ARHGAP10: variants seen among roughly 807,000 people sequenced by gnomAD.
ARHGAP10 encodes the protein Rho GTPase activating protein 10.
Under a neutral mutation model 108.6 loss-of-function variants are expected in ARHGAP10, and 87 were observed. The observed-to-expected ratio is 0.80, with a 90% CI of 0.67 to 0.96. The LOEUF (loss-of-function observed/expected upper bound fraction) is 0.96, where lower values mean the gene tolerates loss of function less well. Ranked by LOEUF, ARHGAP10 falls within the 40% of genes least tolerant of loss-of-function variation. ARHGAP10 has a pLI of 0.00. For missense variants in ARHGAP10, 939 were observed against 954.5 expected, an observed-to-expected ratio of 0.98 and a Z score of 0.21; for synonymous variants, 347 against 341.1, an observed-to-expected ratio of 1.02 and a Z score of -0.19.
intron 4 of ARHGAP10, among the ~76,000 whole-genome samples, chr4:147,848,296 G>A (rs1174899802): frequency 6.6e-6 from 1 of 152,190 alleles, no homozygotes; most frequent in African/African-American, 2.4e-5. Flanking sequence ...TTTTAATGAA[G>A]GGCTACGAAT....
intron 1 of ARHGAP10, among the ~76,000 whole-genome samples, chr4:147,768,770 G>A (rs190035771): frequency 4.1e-4 from 59 of 142,300 alleles, no homozygotes; most frequent in Non-Finnish European, 6.5e-4. Flanking sequence ...AGGGAATCTT[G>A]CTCTGTCACC....
At chr4:147,897,074 A>C (rs1736022421) in intron 10 of ARHGAP10, among the ~76,000 whole-genome samples, 1 of 152,062 alleles carries the variant, frequency 6.6e-6, no homozygotes, top group African/African-American at 2.4e-5. Context: ...CTCTAACAGT[A>C]ATATAGCTAC....
intron 16 of ARHGAP10, among the ~76,000 whole-genome samples, chr4:147,957,195 T>G (rs530280548): frequency 1.7e-4 from 26 of 152,310 alleles, no homozygotes; most frequent in Admixed American, 5.2e-4. Context: ...TGCACCTAAG[T>G]GCCGTTGTGG....
intron 20 of ARHGAP10, among the ~76,000 whole-genome samples, chr4:148,047,287 A>G (rs1728933665): frequency 6.6e-6 from 1 of 152,206 alleles, no homozygotes; most frequent in Non-Finnish European, 1.5e-5. Flanking sequence ...ATCTGATCGA[A>G]GTTCAATTCC....
intron 1 of ARHGAP10, among the ~76,000 whole-genome samples, chr4:147,766,824 A>C (rs62330672): frequency 8.0e-5 from 1 of 12,546 alleles, no homozygotes; most frequent in Non-Finnish European, 1.6e-3. Context: ...ATATATATAT[A>C]TATATATATA....
chr4:148,067,457 A>G (rs1034469971), intron 22 of ARHGAP10, among the ~76,000 whole-genome samples: 1 of 152,182 alleles, frequency 6.6e-6, no homozygotes, highest in Non-Finnish European at 1.5e-5. Flanking sequence ...TCATCTGACC[A>G]CGGCTTCTGT....
chr4:148,069,839 T>C (rs1730078947), intron 22 of ARHGAP10, among the ~76,000 whole-genome samples: 1 of 152,162 alleles, frequency 6.6e-6, no homozygotes. Flanking sequence ...GTTACAACCC[T>C]GAGGGCCTGT....
At chr4:147,752,252 G>T (rs912629991) in intron 1 of ARHGAP10, among the ~76,000 whole-genome samples, 3 of 152,098 alleles carry the variant, frequency 2.0e-5, no homozygotes, top group Non-Finnish European at 4.4e-5. Flanking sequence ...CTGATTTGGG[G>T]TGTTATCTTG....
intron 5 of ARHGAP10, among the ~76,000 whole-genome samples, chr4:147,860,219 G>T (rs1356828065): frequency 1.3e-5 from 2 of 152,208 alleles, no homozygotes; most frequent in Non-Finnish European, 2.9e-5. Flanking sequence ...GAGGCGGGTG[G>T]ATCACGAGAT....
intron 1 of ARHGAP10, among the ~76,000 whole-genome samples, chr4:147,779,304 A>C (rs1302348118): frequency 6.6e-6 from 1 of 152,176 alleles, no homozygotes; most frequent in Non-Finnish European, 1.5e-5. Context: ...GCAGGTGTGC[A>C]CTGCGTTGTG....
chr4:148,063,289 G>A lies in ARHGAP10; in HGVS notation c.2169G>A (p.Lys723=), dbSNP rs1354946666. The part of the protein sequence containing the change: ...PFSPPATVAD[K]PPESIRSRKA... ...CTCCTCCTGCTACTGTAGCGGACAAGCCACCTGAAAGGTACGTGGTTTGGA... is the reference window on the plus strand; with the variant it reads ...CTCCTCCTGCTACTGTAGCGGACAAACCACCTGAAAGGTACGTGGTTTGGA... Residue 723 remains lysine, a synonymous_variant, in exon 21 of 23, where the codon AAG becomes AAA. Coordinates refer to ENST00000336498, the MANE Select transcript of ARHGAP10 (RefSeq NM_024605.4). 6.2e-7 allele frequency: 1 copy of A among 1,614,146 alleles called. No homozygotes were observed. The highest frequency in any genetic ancestry group is 1.3e-5 in the African/African-American group (1 of 75,024).
chr4:147,742,205 C>T (rs928290412), intron 1 of ARHGAP10, among the ~76,000 whole-genome samples: 16 of 151,856 alleles, frequency 1.1e-4, no homozygotes, highest in African/African-American at 2.9e-4. Flanking sequence ...TTGGCCTCAC[C>T]GTTTATTAGC....
chr4:147,746,532 C>T (rs188440499), intron 1 of ARHGAP10, among the ~76,000 whole-genome samples: 1 of 151,564 alleles, frequency 6.6e-6, no homozygotes, highest in East Asian at 2.0e-4. Context: ...TCCTGAGTAG[C>T]TCGCTTGCCA....
intron 7 of ARHGAP10, among the ~76,000 whole-genome samples, chr4:147,871,439 A>G (rs1001123451): frequency 1.3e-5 from 2 of 152,210 alleles, no homozygotes. Flanking sequence ...TATAATCAGA[A>G]AAAAGTTTTT....
intron 18 of ARHGAP10, among the ~76,000 whole-genome samples, chr4:147,973,677 C>G (rs896171173): frequency 6.6e-6 from 1 of 152,172 alleles, no homozygotes; most frequent in South Asian, 2.1e-4. Flanking sequence ...CTGCTCCCCC[C>G]GCCACTGCTC....
chr4:147,985,138 G>T (rs1033382803), intron 18 of ARHGAP10, among the ~76,000 whole-genome samples: 12 of 152,160 alleles, frequency 7.9e-5, no homozygotes, highest in Non-Finnish European at 1.8e-4. Flanking sequence ...GGAGCAGAGA[G>T]GGCCCTGCTG....
intron 3 of ARHGAP10, among the ~76,000 whole-genome samples, chr4:147,825,068 C>G (rs995589840): frequency 6.6e-6 from 1 of 152,150 alleles, no homozygotes; most frequent in Non-Finnish European, 1.5e-5. Flanking sequence ...CAGCTGGCTT[C>G]GTAGGTGTCA....
chr4:148,064,441 G>C lies in ARHGAP10; in HGVS notation c.2206G>C (p.Val736Leu), dbSNP rs146780598. 19 of 1,614,072 alleles carry C rather than the reference G, an allele frequency of 1.2e-5. No homozygotes were observed. The South Asian group carries it at 1.8e-4, about 15-fold the overall frequency. Residue 736 changes from valine to leucine, a missense_variant, in exon 22 of 23, where the codon GTG (valine) becomes CTG (leucine). Coordinates refer to ENST00000336498, the MANE Select transcript of ARHGAP10 (RefSeq NM_024605.4). ...ESIRSRKARA[V>L]YPCEAEHSSE... Reference sequence around the variant, plus strand: ...CATCCGCAGTCGGAAGGCTCGAGCCGTGTATCCGTGTGAAGCAGAACACAG... The same window carrying C: ...CATCCGCAGTCGGAAGGCTCGAGCCCTGTATCCGTGTGAAGCAGAACACAG...
chr4:147,993,873 G>A (rs986074637), intron 18 of ARHGAP10, among the ~76,000 whole-genome samples: 10 of 152,228 alleles, frequency 6.6e-5, no homozygotes, highest in African/African-American at 1.9e-4. Flanking sequence ...TAAAGGCTCA[G>A]TGAGGAGCTG....
Sources: gnomAD v4.1 joint callset for allele counts (sites outside exome capture counted in the v4.1 genomes callset) on GRCh38, gnomAD v4.1.1 for gene constraint, MANE v1.5 for transcripts, NCBI Gene and HGNC (gene_info 2026-07-23, HGNC 2026-07-21) for gene names.